The following CLIC5 variants were observed in gnomAD, a reference collection of about 807,000 sequenced individuals.
CLIC5 encodes CLIC family member 5.
In CLIC5, 20 loss-of-function variants were observed where a neutral mutation model predicts 24.7. That is an observed-to-expected ratio of 0.81 (90% CI 0.57 to 1.18). CLIC5 has a LOEUF of 1.18. Among genes scored for constraint, CLIC5 ranks in the 50% most tolerant of loss-of-function variants. CLIC5 has a pLI of 0.00. For synonymous variants in CLIC5, 159 were observed against 135.6 expected, an observed-to-expected ratio of 1.17 and a Z score of -1.20; for missense variants, 341 against 326.1, an observed-to-expected ratio of 1.05 and a Z score of -0.35.
intron 3 of CLIC5, among the ~76,000 whole-genome samples, chr6:45,947,015 A>G (rs1014597989): frequency 6.6e-6 from 1 of 152,246 alleles, no homozygotes; most frequent in African/African-American, 2.4e-5. Context: ...AGCAGAGCTC[A>G]GGACAGGGAA....
In CLIC5 at chr6:45,955,822, C is replaced by T. The variant is rs1294670487; in HGVS notation, c.64-578G>A. 2.0e-5 allele frequency among the ~76,000 whole-genome samples: 3 copies of T among 151,712 alleles called. No individual in the cohort carries two copies. In the East Asian group the frequency reaches 5.8e-4, roughly 29 times the overall value. On this transcript the variant is annotated intron_variant, in intron 1 of 5. Transcript: ENST00000339561. ...CTATATGGAGGCTAATCAGGAAGCT[C>T]AAGGCTTTAATCAATACACCACTTA... is the stretch of plus-strand genomic sequence containing the variant.
At chr6:45,926,556 A>G (rs1763507698) in intron 4 of CLIC5, among the ~76,000 whole-genome samples, 1 of 151,972 alleles carries the variant, frequency 6.6e-6, no homozygotes, top group East Asian at 1.9e-4. Context: ...GCGCCCGGCC[A>G]GAGAAACGTA....
intron 2 of CLIC5, among the ~76,000 whole-genome samples, chr6:45,951,151 G>A (rs1444047622): frequency 6.6e-6 from 1 of 152,142 alleles, no homozygotes; most frequent in South Asian, 2.1e-4. Context: ...TGCTCCCTAA[G>A]AAGACAGAAA....
rs747600586 is a variant in CLIC5, at chr6:46,015,558, G to A, written c.-16C>T. The A allele has an allele frequency of 2.6e-6, 4 of 1,563,754 alleles. No individual in the cohort carries two copies. Among genetic ancestry groups the A allele is most frequent in the Non-Finnish European group, 3.5e-6 (4 of 1,156,222 alleles). ...AGTCTGTCATGCCGTTGGCGCCCGG[G>A]GCTACCGTCCCGGGCCGGGGAGGCG... is the stretch of plus-strand genomic sequence containing the variant. On this transcript the variant is annotated 5_prime_UTR_variant, in exon 1 of 6. Coordinates refer to ENST00000339561, the MANE Select transcript of CLIC5 (RefSeq NM_016929.5).
chr6:46,041,880 TTAA>T (rs1201336098), intron 1 of CLIC5, among the ~76,000 whole-genome samples: 2 of 152,226 alleles, frequency 1.3e-5, no homozygotes, highest in African/African-American at 4.8e-5. Context: ...TTATTATTTG[TTAA>T]TAATAAAGTT....
the CLIC5 span, among the ~76,000 whole-genome samples, chr6:46,086,469 A>G: frequency 0.13 from 20,199 of 152,274 alleles, 1,833 homozygotes; most frequent in South Asian, 0.33. Flanking sequence ...AGTATGATGC[A>G]GAGTTGAGAA....
chr6:46,061,497 T>C (rs1006074418), intron 1 of CLIC5, among the ~76,000 whole-genome samples: 13 of 152,208 alleles, frequency 8.5e-5, no homozygotes, highest in Admixed American at 7.9e-4. Flanking sequence ...AGCCAACAAG[T>C]TGTTTTGACT....
At chr6:45,945,168 C>T (rs139552004) in intron 3 of CLIC5, among the ~76,000 whole-genome samples, 13 of 152,324 alleles carry the variant, frequency 8.5e-5, no homozygotes, top group African/African-American at 3.1e-4. Context: ...TTTCTAACTC[C>T]TTGAGCTTCC....
intron 1 of CLIC5, among the ~76,000 whole-genome samples, chr6:46,010,472 C>T (rs142994868): frequency 9.8e-5 from 15 of 152,316 alleles, no homozygotes; most frequent in African/African-American, 3.6e-4. Context: ...ACTCTTCCAC[C>T]ACATCTCTTG....
At chr6:46,063,793 C>T (rs1370973603) in intron 1 of CLIC5, among the ~76,000 whole-genome samples, 6 of 152,144 alleles carry the variant, frequency 3.9e-5, no homozygotes, top group East Asian at 3.9e-4. Flanking sequence ...GCCATTGCTT[C>T]GGTAATGAAG....
chr6:46,087,613 C>T, the CLIC5 span, among the ~76,000 whole-genome samples: 2 of 152,162 alleles, frequency 1.3e-5, no homozygotes, highest in Middle Eastern at 3.2e-3. Flanking sequence ...CTCATCCCCT[C>T]TCTGCGGACT....
At chr6:46,055,541 A>G (rs933119260) in intron 1 of CLIC5, among the ~76,000 whole-genome samples, 8 of 152,250 alleles carry the variant, frequency 5.3e-5, no homozygotes, top group Non-Finnish European at 1.2e-4. Flanking sequence ...CCAGGCCATC[A>G]GTACTTTTCT....
rs113573781 is a variant in CLIC5, at chr6:46,060,283, C to T, written c.540+19420G>A. ...TATGCAAGTTGGTTTGCCCTAAATA[C>T]GGTGTATTTACTTATTAAAAATTTT... On this transcript the variant is annotated intron_variant, in intron 1 of 5. Transcript: ENST00000185206. Among the ~76,000 whole-genome samples, 85 of 152,028 alleles carry T rather than the reference C, an allele frequency of 5.6e-4. 1 individual carries two copies. The East Asian group carries it at 8.7e-3, about 16-fold the overall frequency.
At chr6:46,058,309 A>T (rs1224715979) in intron 1 of CLIC5, among the ~76,000 whole-genome samples, 1 of 152,234 alleles carries the variant, frequency 6.6e-6, no homozygotes, top group Non-Finnish European at 1.5e-5. Context: ...CATGTAATGC[A>T]TCAGTGATTC....
chr6:45,958,525 A>C (rs1764742881), intron 1 of CLIC5, among the ~76,000 whole-genome samples: 1 of 143,986 alleles, frequency 6.9e-6, no homozygotes, highest in African/African-American at 2.6e-5. Flanking sequence ...TTTGAACATG[A>C]TTGCCAGCTA....
At chr6:46,049,376 A>G (rs1006082638) in intron 1 of CLIC5, among the ~76,000 whole-genome samples, 1 of 152,184 alleles carries the variant, frequency 6.6e-6, no homozygotes, top group Non-Finnish European at 1.5e-5. Flanking sequence ...AGTTTTACCC[A>G]TGCTTCTACA....
intron 1 of CLIC5, among the ~76,000 whole-genome samples, chr6:45,994,198 G>T (rs1049245462): frequency 5.3e-5 from 8 of 152,082 alleles, no homozygotes; most frequent in East Asian, 1.9e-4. Flanking sequence ...CTTACATGTT[G>T]TTGCTCAGGT....
At chr6:46,098,661 T>C in the CLIC5 span, among the ~76,000 whole-genome samples, 4 of 152,302 alleles carry the variant, frequency 2.6e-5, no homozygotes, top group Admixed American at 2.6e-4. Context: ...ATTAATGTCA[T>C]GGAAGATCTT....
intron 4 of CLIC5, among the ~76,000 whole-genome samples, chr6:45,928,548 GACAC>G (rs1443074895): frequency 6.6e-6 from 1 of 152,154 alleles, no homozygotes; most frequent in Non-Finnish European, 1.5e-5. Flanking sequence ...ATGAAATGTA[GACAC>G]ACACACCCAT....
Sources: gnomAD v4.1 joint callset for allele counts (sites outside exome capture counted in the v4.1 genomes callset) on GRCh38, gnomAD v4.1.1 for gene constraint, MANE v1.5 for transcripts, NCBI Gene and HGNC (gene_info 2026-07-23, HGNC 2026-07-21) for gene names.